KMT2C: variants seen among roughly 807,000 people sequenced by gnomAD.
KMT2C encodes the protein lysine methyltransferase 2C, also known as histone-lysine N-methyltransferase 2C.
In KMT2C, 88 loss-of-function variants were observed where a neutral mutation model predicts 507.9. That is an observed-to-expected ratio of 0.17 (90% CI 0.15 to 0.21). The LOEUF is 0.21. KMT2C is among the 10% of genes least tolerant of loss of function. KMT2C has a pLI of 1.00. For synonymous variants in KMT2C, 2,049 were observed against 2,080.8 expected (o/e 0.98, Z 0.42); for missense variants, 4,954 against 5,957.8 (o/e 0.83, Z 5.55).
Position 152,162,237 on chromosome 7 carries a change from C to A in KMT2C, c.11340G>T (p.Leu3780Phe), listed in dbSNP as rs749156477. ...GDSGNELLKH[L>F]LKNKKSSSLL... The stretch of plus-strand genomic sequence containing the variant: ...GAGAAGATGACTTTTTATTTTTCAA[C>A]AAGTGTTTCAGAAGTTCATTCCCTG... Residue 3780 changes from leucine to phenylalanine, a missense_variant, in exon 43 of 59, where the codon TTG (leucine) becomes TTT (phenylalanine). Transcript: ENST00000262189. The A allele has an allele frequency of 4.3e-6, 7 of 1,614,026 alleles. No homozygotes were observed. The Admixed American group carries it at 1.2e-4, about 27-fold the overall frequency.
intron 48 of KMT2C, among the ~76,000 whole-genome samples, chr7:152,153,525 C>A (rs764466523): frequency 6.6e-6 from 1 of 152,104 alleles, no homozygotes; most frequent in Non-Finnish European, 1.5e-5. Context: ...TGATAAAGTT[C>A]TTTTTCATTG....
chr7:152,191,849 T>G (rs1024445737), intron 31 of KMT2C, among the ~76,000 whole-genome samples: 1 of 152,204 alleles, frequency 6.6e-6, no homozygotes, highest in East Asian at 1.9e-4. Flanking sequence ...GCTTTGCCCT[T>G]ACATTAGAAC....
At chr7:152,326,686 C>T (rs947200037) in intron 3 of KMT2C, among the ~76,000 whole-genome samples, 1 of 152,038 alleles carries the variant, frequency 6.6e-6, no homozygotes, top group Non-Finnish European at 1.5e-5. Context: ...CGAGACCATC[C>T]TGGCTAACAT....
intron 34 of KMT2C, among the ~76,000 whole-genome samples, chr7:152,183,780 C>T (rs1469630563): frequency 6.6e-6 from 1 of 152,170 alleles, no homozygotes; most frequent in African/African-American, 2.4e-5. Flanking sequence ...CCTGTAATCC[C>T]AGCTACTCGG....
At chr7:152,212,386 C>T (rs1027023909) in intron 23 of KMT2C, among the ~76,000 whole-genome samples, 1 of 152,196 alleles carries the variant, frequency 6.6e-6, no homozygotes, top group African/African-American at 2.4e-5. Context: ...GATGCCTACT[C>T]TTAACACTTA....
At chr7:152,376,713 A>G (rs1339006871) in intron 1 of KMT2C, among the ~76,000 whole-genome samples, 4 of 152,252 alleles carry the variant, frequency 2.6e-5, no homozygotes, top group Non-Finnish European at 4.4e-5. Context: ...TCATAACATA[A>G]AAGTGGAAAG....
chr7:152,382,319 C>T (rs1302099648), intron 1 of KMT2C, among the ~76,000 whole-genome samples: 2 of 152,094 alleles, frequency 1.3e-5, no homozygotes, highest in Non-Finnish European at 2.9e-5. Flanking sequence ...GAGAGATAAC[C>T]CTGTTGGCTC....
intron 6 of KMT2C, among the ~76,000 whole-genome samples, chr7:152,290,566 C>T (rs909545096): frequency 1.3e-4 from 20 of 151,446 alleles, no homozygotes; most frequent in African/African-American, 4.9e-4. Flanking sequence ...CTTCAGCCTC[C>T]CGAAGTGCTG....
intron 6 of KMT2C, among the ~76,000 whole-genome samples, chr7:152,305,396 G>GC (rs959593266): frequency 9.2e-5 from 14 of 152,186 alleles, no homozygotes; most frequent in African/African-American, 2.7e-4. Context: ...ATTATGAAAG[G>GC]CCCTGAGGTG....
At chr7:152,269,199 C>G (rs1479491247) in intron 7 of KMT2C, among the ~76,000 whole-genome samples, 1 of 152,174 alleles carries the variant, frequency 6.6e-6, no homozygotes, top group Non-Finnish European at 1.5e-5. Flanking sequence ...TGATTTCCAC[C>G]AATTCCTTAC....
intron 6 of KMT2C, among the ~76,000 whole-genome samples, chr7:152,279,507 C>T (rs2096159488): frequency 6.6e-6 from 1 of 152,232 alleles, no homozygotes; most frequent in Non-Finnish European, 1.5e-5. Flanking sequence ...GTTTAAACAA[C>T]TGTTCACTTT....
rs1160936033 is a variant in KMT2C, at chr7:152,309,963, T to C, written c.849+3A>G. On this transcript the variant is annotated splice_donor_region_variant and intron_variant, in intron 6 of 58. Coordinates refer to ENST00000262189, the MANE Select transcript of KMT2C (RefSeq NM_170606.3). ...GATTTAAATATTTGCTTTGTCTACTTACTTCTGTGCTCCCTGAGACAACAG... is the reference window on the plus strand; with the variant it reads ...GATTTAAATATTTGCTTTGTCTACTCACTTCTGTGCTCCCTGAGACAACAG... The C allele has an allele frequency of 1.9e-6, 3 of 1,559,660 alleles. No individual in the cohort carries two copies. The highest frequency in any genetic ancestry group is 2.6e-6 in the Non-Finnish European group (3 of 1,132,178).
intron 3 of KMT2C, among the ~76,000 whole-genome samples, chr7:152,322,623 G>A (rs559377904): frequency 6.6e-6 from 1 of 152,012 alleles, no homozygotes; most frequent in East Asian, 1.9e-4. Flanking sequence ...TAAAACATAG[G>A]GAGAAAGTTC....
intron 1 of KMT2C, among the ~76,000 whole-genome samples, chr7:152,360,328 A>C (rs1346549348): frequency 6.6e-6 from 1 of 151,622 alleles, no homozygotes; most frequent in African/African-American, 2.4e-5. Flanking sequence ...AAATACAAAA[A>C]TTAGCTGGAC....
chr7:152,290,571 G>A (rs1385074882), intron 6 of KMT2C, among the ~76,000 whole-genome samples: 3 of 151,458 alleles, frequency 2.0e-5, no homozygotes, highest in African/African-American at 4.8e-5. Context: ...GCCTCCCGAA[G>A]TGCTGGGATT....
rs35781658 is a variant in KMT2C, at chr7:152,332,851, AACACACACACACACACACACAC to A, written c.251-2134_251-2113del. On this transcript the variant is annotated intron_variant, in intron 2 of 58. Transcript: ENST00000262189. ...CAACAGGAATGAAACTGCGTCTCAA[AACACACACACACACACACACAC>A]ACACACACACACACACACAAATTAT... 4.3e-5 allele frequency among the ~76,000 whole-genome samples: 6 copies of A among 138,604 alleles called. No individual in the cohort carries two copies. In the South Asian group the frequency reaches 7.2e-4, roughly 17 times the overall value. 90.9% of individuals were successfully genotyped at this position (138,604 alleles called of 152,430 possible). A position where few individuals can be genotyped will look rare whatever the true frequency, so the allele number is the denominator to read the frequency against.
At chr7:152,157,912 A>G (rs2092177540) in intron 44 of KMT2C, 2 of 1,333,342 alleles carry the variant, frequency 1.5e-6, no homozygotes, top group Non-Finnish European at 2.0e-6. Context: ...CATTAGAGGG[A>G]GCAGAGAGAG....
chr7:152,185,813 C>T (rs949366829), intron 33 of KMT2C, among the ~76,000 whole-genome samples, 182 bp from the exon 34 acceptor site: 6 of 152,164 alleles, frequency 3.9e-5, no homozygotes, highest in African/African-American at 1.2e-4. Context: ...GCCAAACAAA[C>T]GTTTTCTAAA....
chr7:152,197,899 CTCTT>C (rs754150184), intron 27 of KMT2C, among the ~76,000 whole-genome samples: 1 of 151,692 alleles, frequency 6.6e-6, no homozygotes, highest in African/African-American at 2.4e-5. Flanking sequence ...AAACTGTTCT[CTCTT>C]CAGTATTTTT....
Sources: allele counts gnomAD v4.1 joint callset (sites outside exome capture counted in the v4.1 genomes callset), GRCh38; gene constraint gnomAD v4.1.1; transcripts MANE v1.5; gene names NCBI Gene and HGNC (gene_info 2026-07-23, HGNC 2026-07-21).